The following SLC16A5 variants were observed in gnomAD, a reference collection of about 807,000 sequenced individuals.
The protein encoded by SLC16A5 is solute carrier family 16 member 5, also known as monocarboxylate transporter 6.
SLC16A5 carries 29 observed loss-of-function variants against 33.2 expected under a neutral mutation model. That is an observed-to-expected ratio of 0.87 (90% CI 0.65 to 1.19). The LOEUF is 1.19. SLC16A5 is among the 50% of genes most tolerant of loss of function. SLC16A5 has a pLI of 0.00. For missense variants in SLC16A5, 606 were observed against 678.2 expected (o/e 0.89, Z 1.18); for synonymous variants, 248 against 284.1 (o/e 0.87, Z 1.28).
chr17:75,100,843 A>G, intron 5 of SLC16A5, 27 bp downstream of exon 5: 1 of 1,538,190 alleles, frequency 6.5e-7, no homozygotes, highest in East Asian at 2.4e-5. Context: ...GAGGGCAGCC[A>G]GATAGTGTGG....
At position 75,104,015 on chromosome 17, in the gene SLC16A5, T is replaced by C. The variant is rs1177231206; in HGVS notation, c.1199T>C (p.Met400Thr). Reference protein sequence around the residue: ...ATNNFSYVFYMSSFFLISAAL... With the variant: ...ATNNFSYVFYTSSFFLISAAL... ...AACAACTTTAGCTATGTTTTCTACA[T>C]GTCCAGCTTCTTCCTCATCTCAGCT... Residue 400 changes from methionine (M) to threonine (T), a missense_variant, in exon 6 of 7, where the codon ATG becomes ACG. Physicochemically the swap from Met to Thr is moderately conservative, Grantham distance 81. Transcript: ENST00000329783. The C allele has an allele frequency of 6.2e-7, 1 of 1,614,146 alleles. No individual in the cohort carries two copies. Among genetic ancestry groups the C allele is most frequent in the East Asian group, 2.2e-5 (1 of 44,902 alleles).
intron 5 of SLC16A5, among the ~76,000 whole-genome samples, chr17:75,103,549 T>C (rs1181101655): frequency 6.8e-6 from 1 of 146,472 alleles, no homozygotes; most frequent in East Asian, 2.1e-4. Flanking sequence ...AGGCTGGTCT[T>C]GAACTCCTGA....
At chr17:75,097,494 G>A (rs960016778) in intron 3 of SLC16A5, among the ~76,000 whole-genome samples, 20 of 145,970 alleles carry the variant, frequency 1.4e-4, no homozygotes, top group Non-Finnish European at 2.3e-4. Context: ...GCAAGGAGGC[G>A]CAGAGGGGCC....
intron 1 of SLC16A5, among the ~76,000 whole-genome samples, chr17:75,088,592 G>C (rs2073598916): frequency 6.6e-6 from 1 of 152,142 alleles, no homozygotes; most frequent in African/African-American, 2.4e-5. Context: ...CTCTCTGCTG[G>C]ACGGGAGCCC....
intron 5 of SLC16A5, among the ~76,000 whole-genome samples, chr17:75,102,333 G>T (rs11659096): frequency 6.6e-6 from 1 of 152,108 alleles, no homozygotes; most frequent in African/African-American, 2.4e-5. Context: ...GCTTAAACCC[G>T]GGAGGTGGAG....
chr17:75,088,225 G>A (rs1026535884), intron 1 of SLC16A5, among the ~76,000 whole-genome samples, 181 bp downstream of exon 1: 6 of 152,210 alleles, frequency 3.9e-5, no homozygotes, highest in Non-Finnish European at 5.9e-5. Flanking sequence ...GGGGCCTGGG[G>A]TGATGACCCG....
At chr17:75,102,068 T>C (rs534811037) in intron 5 of SLC16A5, among the ~76,000 whole-genome samples, 92 of 152,332 alleles carry the variant, frequency 6.0e-4, no homozygotes, top group Non-Finnish European at 7.3e-5. Context: ...TCCTGCTTCC[T>C]GCCTGTGGGA....
At chr17:75,102,124 A>G (rs1465275536) in intron 5 of SLC16A5, among the ~76,000 whole-genome samples, 1 of 152,162 alleles carries the variant, frequency 6.6e-6, no homozygotes, top group African/African-American at 2.4e-5. Context: ...GCCATCTGCA[A>G]AATGCAGACG....
At chr17:75,088,833 G>A (rs942319634) in intron 1 of SLC16A5, 5 of 152,214 alleles carry the variant, frequency 3.3e-5, no homozygotes, top group African/African-American at 1.2e-4. Flanking sequence ...AGCTCCAGGG[G>A]CAGGGAAAGG....
At chr17:75,104,388 T>C in intron 6 of SLC16A5, 1 of 1,338,968 alleles carries the variant, frequency 7.5e-7, no homozygotes, top group Admixed American at 3.3e-5. Flanking sequence ...CTTTGGAGGC[T>C]GGCCTCTGAA....
At position 75,100,783 on chromosome 17, in the gene SLC16A5, G is replaced by C. The variant is rs752434015; in HGVS notation, c.1120G>C (p.Gly374Arg). 19 of 1,607,138 alleles carry C rather than the reference G, an allele frequency of 1.2e-5. No individual in the cohort carries two copies. The highest frequency in any genetic ancestry group is 2.2e-5 in the East Asian group (1 of 44,644). Residue 374 changes from glycine to arginine, a missense_variant, in exon 5 of 7, where the codon GGC (glycine) becomes CGC (arginine). Coordinates refer to ENST00000329783, the MANE Select transcript of SLC16A5 (RefSeq NM_004695.4). ...CCTGGGACTCTTCACTGTCCTGGAC[G>C]GCCTTGCTTTCCTCATCTCCCCACC... ...RALGLFTVLD[G>R]LAFLISPPLA... is the part of the protein sequence containing the mutation.
chr17:75,104,116 C>T lies in SLC16A5; in HGVS notation c.1300C>T (p.Leu434=). Residue 434 remains leucine, a synonymous_variant, in exon 6 of 7, where the codon CTG becomes TTG. Coordinates refer to ENST00000329783, the MANE Select transcript of SLC16A5 (RefSeq NM_004695.4). ...QGKQAVAADA[L]ERDLFLEAKD... ...CAAGCAGGCTGTCGCGGCGGATGCC[C>T]TGGAGCGGGATCTTTTCTTGGAAGC... 1 of 1,614,252 alleles carries T rather than the reference C, an allele frequency of 6.2e-7. No homozygotes were observed. Among genetic ancestry groups the T allele is most frequent in the Non-Finnish European group, 8.5e-7 (1 of 1,180,046 alleles).
chr17:75,105,882 G>A lies in SLC16A5; in HGVS notation c.1367G>A (p.Cys456Tyr). 6.3e-7 allele frequency: 1 copy of A among 1,598,350 alleles called. No homozygotes were observed. The highest frequency in any genetic ancestry group is 1.1e-5 in the South Asian group (1 of 89,510). ...PGKQRSPEIM[C>Y]QSSRQPRPAG... ...GGAGATTTTATTTTCATGAACAGGT[G>A]CCAGTCTTCCCGCCAGCCACGTCCA... Residue 456 changes from cysteine to tyrosine, a missense_variant and splice_region_variant, in exon 7 of 7, where the codon TGC becomes TAC. By Grantham distance (194) the Cys-to-Tyr change is radical. Transcript: ENST00000329783.
chr17:75,103,371 C>T lies in SLC16A5; in HGVS notation c.1154-599C>T, dbSNP rs554653492. Among the ~76,000 whole-genome samples the T allele has an allele frequency of 2.7e-5, 4 of 148,378 alleles. No individual in the cohort carries two copies. The South Asian group carries it at 8.5e-4, about 32-fold the overall frequency. On this transcript the variant is annotated intron_variant, in intron 5 of 6. Coordinates refer to ENST00000329783, the MANE Select transcript of SLC16A5 (RefSeq NM_004695.4). ...TTTTAATGGAGTCTCACTCTGTTGCCCAGACTGGAGTGCAGTGGTACGATC... is the reference window on the plus strand; with the variant it reads ...TTTTAATGGAGTCTCACTCTGTTGCTCAGACTGGAGTGCAGTGGTACGATC...
rs1451105379 is a variant in SLC16A5 at position 75,105,551 on chromosome 17, A to G, written c.1365-329A>G. ...ACCTGTGCCTGTGACTGGCGGTCCA[A>G]GCTCCCCACACACACATCTTGCTGG... On this transcript the variant is annotated intron_variant, in intron 6 of 6. Coordinates refer to ENST00000329783, the MANE Select transcript of SLC16A5 (RefSeq NM_004695.4). The G allele has an allele frequency of 7.1e-6, 7 of 985,302 alleles. No individual in the cohort carries two copies. The East Asian group carries it at 3.4e-4, about 48-fold the overall frequency. 61.0% of individuals were successfully genotyped at this position (985,302 alleles called of 1,614,324 possible). A position where few individuals can be genotyped will look rare whatever the true frequency, so the allele number is the denominator to read the frequency against.
chr17:75,104,536 C>T, intron 6 of SLC16A5: 1 of 926,200 alleles, frequency 1.1e-6, no homozygotes, highest in Non-Finnish European at 1.3e-6. Context: ...TCTCCTGCCT[C>T]TGCCCCCCAA....
downstream of SLC16A5, among the ~76,000 whole-genome samples, chr17:75,108,704 GA>G (rs1180181261): frequency 1.3e-5 from 2 of 152,074 alleles, no homozygotes; most frequent in African/African-American, 4.8e-5. Flanking sequence ...GGCTTTAAGG[GA>G]AAAAATAGGA....
rs2073860581 is a variant in SLC16A5, at chr17:75,106,114, G to A, written c.*81G>A. On this transcript the variant is annotated 3_prime_UTR_variant, in exon 7 of 7. Coordinates refer to ENST00000329783, the MANE Select transcript of SLC16A5 (RefSeq NM_004695.4). Reference sequence around the variant, plus strand: ...ACCTCTGAGCCTTGAAAAAGTAGGAGGTTACTTTGTTAGAGCAAAATAATA... The same window carrying A: ...ACCTCTGAGCCTTGAAAAAGTAGGAAGTTACTTTGTTAGAGCAAAATAATA... 1 of 621,494 alleles carries A rather than the reference G, an allele frequency of 1.6e-6. No homozygotes were observed. The highest frequency in any genetic ancestry group is 2.6e-6 in the Non-Finnish European group (1 of 380,880). 38.5% of individuals were successfully genotyped at this position (621,494 alleles called of 1,614,324 possible).
In SLC16A5 at chr17:75,100,209, C is replaced by T. The variant is rs747676766; in HGVS notation, c.546C>T (p.Cys182=). ...FLVFGGIFLH[C]CICGAIIRPV... ...TCTTCGGCGGGATCTTTCTCCACTG[C>T]TGCATCTGCGGGGCCATCATAAGGC... is the stretch of plus-strand genomic sequence containing the variant. The change falls in exon 5 of 7, where the codon TGC becomes TGT. Residue 182 remains cysteine (C), a synonymous_variant. Transcript: ENST00000329783. 8 of 1,614,262 alleles carry T rather than the reference C, an allele frequency of 5.0e-6. No homozygotes were observed. In the South Asian group the frequency reaches 8.8e-5, roughly 18 times the overall value.
Sources: gnomAD v4.1 joint callset for allele counts (sites outside exome capture counted in the v4.1 genomes callset) on GRCh38, gnomAD v4.1.1 for gene constraint, MANE v1.5 for transcripts, NCBI Gene and HGNC (gene_info 2026-07-23, HGNC 2026-07-21) for gene names.